AGAP1: variants seen among roughly 807,000 people sequenced by gnomAD.
The protein encoded by AGAP1 is arf-GAP with GTPase, ANK repeat and PH domain-containing protein 1.
Under a neutral mutation model 105.3 loss-of-function variants are expected in AGAP1, and 29 were observed. That is an observed-to-expected ratio of 0.28 (90% CI 0.21 to 0.38). The LOEUF (loss-of-function observed/expected upper bound fraction) is 0.38. Among genes scored for constraint, AGAP1 ranks in the 10% least tolerant of loss-of-function variants. The pLI, the probability that AGAP1 is intolerant of heterozygous loss-of-function variation, is 1.00. For synonymous variants in AGAP1, 509 were observed against 485.9 expected, an observed-to-expected ratio of 1.05 and a Z score of -0.63; for missense variants, 998 against 1,165.1, an observed-to-expected ratio of 0.86 and a Z score of 2.09.
rs990312764 is a variant in AGAP1, at chr2:235,577,528, C to G, written c.163+82679C>G. On this transcript the variant is annotated intron_variant, in intron 1 of 17. Transcript: ENST00000304032. This position sits in a 1 kb window ranked among gnomAD's most constrained non-coding sequence, Gnocchi z 4.5. ...GTTTGTTTGGAAATGATCGGAAGCT[C>G]CTGTGTCCCTGGTCGCTTGCTGGAG... Among the ~76,000 whole-genome samples, 1 of 152,134 alleles carries G rather than the reference C, an allele frequency of 6.6e-6. No individual in the cohort carries two copies. Among genetic ancestry groups the G allele is most frequent in the Non-Finnish European group, 1.5e-5 (1 of 68,040 alleles).
chr2:235,836,655 G>A (rs565162026), intron 9 of AGAP1, among the ~76,000 whole-genome samples: 1 of 152,200 alleles, frequency 6.6e-6, no homozygotes, highest in East Asian at 1.9e-4. Flanking sequence ...CATGCTTCAG[G>A]GGGCAGGCAT....
intron 1 of AGAP1, among the ~76,000 whole-genome samples, chr2:235,669,420 TGCTGG>T (rs1948242924): frequency 6.6e-6 from 1 of 151,982 alleles, no homozygotes; most frequent in Admixed American, 6.5e-5. Context: ...TGCAGGCTGG[TGCTGG>T]GCTGGGCCCC....
Position 236,040,209 on chromosome 2 carries a change from C to T in AGAP1, c.1801-542C>T, listed in dbSNP as rs1349979586. Among the ~76,000 whole-genome samples the T allele has an allele frequency of 6.6e-6, 1 of 152,114 alleles. No homozygotes were observed. Among genetic ancestry groups the T allele is most frequent in the Non-Finnish European group, 1.5e-5 (1 of 68,012 alleles). On this transcript the variant is annotated intron_variant, in intron 14 of 17. Transcript: ENST00000304032. The surrounding 1 kb of genome is among the most constrained non-coding windows in gnomAD (Gnocchi z 5.6). ...CCAGCTATACTCGTGTTTCTCCCTG[C>T]CCCCACCCTGGCGAGTGGCTTTGTC...
intron 13 of AGAP1, among the ~76,000 whole-genome samples, chr2:235,987,963 C>A (rs2055391999): frequency 6.6e-6 from 1 of 152,142 alleles, no homozygotes; most frequent in Admixed American, 6.5e-5. Context: ...AATATTGTTG[C>A]TTTTTCCAGA....
intron 1 of AGAP1, among the ~76,000 whole-genome samples, chr2:235,538,423 C>T (rs1943311579): frequency 6.2e-5 from 2 of 32,306 alleles, no homozygotes; most frequent in South Asian, 2.5e-3. Context: ...GAACCTCAGC[C>T]ACTATGTGTG....
chr2:235,876,398 C>T (rs750877875), intron 9 of AGAP1, among the ~76,000 whole-genome samples: 5 of 152,280 alleles, frequency 3.3e-5, no homozygotes, highest in South Asian at 2.1e-4. Flanking sequence ...GATTATAACC[C>T]GGCCCTTGCG....
chr2:235,495,773 C>A (rs1012022732), intron 1 of AGAP1, among the ~76,000 whole-genome samples: 2 of 152,220 alleles, frequency 1.3e-5, no homozygotes, highest in Non-Finnish European at 2.9e-5. Flanking sequence ...CCAAGACTCA[C>A]CTGGGGCACC....
At chr2:235,807,707 G>A (rs1260106015) in intron 9 of AGAP1, among the ~76,000 whole-genome samples, 1 of 152,190 alleles carries the variant, frequency 6.6e-6, no homozygotes, top group East Asian at 1.9e-4. Flanking sequence ...GCCCGACGTG[G>A]CCCTAATTTG....
chr2:236,101,261 A>G lies in AGAP1; in HGVS notation c.2115-18931A>G, dbSNP rs1332342537. Among the ~76,000 whole-genome samples, 1 of 152,166 alleles carries G rather than the reference A, an allele frequency of 6.6e-6. No individual in the cohort carries two copies. The highest frequency in any genetic ancestry group is 1.5e-5 in the Non-Finnish European group (1 of 68,026). The stretch of plus-strand genomic sequence containing the variant: ...ACAAGCAGATTAAAAGGTATACCAC[A>G]TTAAGAAGACTCCTTATTGTTCCAA... On this transcript the variant is annotated intron_variant, in intron 16 of 17. Transcript: ENST00000304032. The surrounding 1 kb of genome is among the most constrained non-coding windows in gnomAD (Gnocchi z 4.9).
chr2:235,692,779 G>A lies in AGAP1; in HGVS notation c.164-16400G>A, dbSNP rs1384513106. On this transcript the variant is annotated intron_variant, in intron 1 of 17. Coordinates refer to ENST00000304032, the MANE Select transcript of AGAP1 (RefSeq NM_001037131.3). This position sits in a 1 kb window ranked among gnomAD's most constrained non-coding sequence, Gnocchi z 5.8. ...GTTACAGCCCGCAGTCACAGGTCTT[G>A]CGGTGGACTTGCTGGTCGGCTGCTC... 1.3e-5 allele frequency among the ~76,000 whole-genome samples: 2 copies of A among 152,258 alleles called. No individual in the cohort carries two copies. The highest frequency in any genetic ancestry group is 2.9e-5 in the Non-Finnish European group (2 of 68,046).
chr2:235,721,636 G>A lies in AGAP1; in HGVS notation c.310+3992G>A, dbSNP rs746368177. On this transcript the variant is annotated intron_variant, in intron 3 of 17. Transcript: ENST00000304032. The surrounding 1 kb of genome is among the most constrained non-coding windows in gnomAD (Gnocchi z 4.5). ...AGAAGTCTGAAATCAAGGTGTTGAC[G>A]GGGTTGGTTCCTTCTGCAGCTTAGA... Among the ~76,000 whole-genome samples, 2 of 152,188 alleles carry A rather than the reference G, an allele frequency of 1.3e-5. No individual in the cohort carries two copies. The highest frequency in any genetic ancestry group is 2.4e-5 in the African/African-American group (1 of 41,430).
chr2:235,642,569 A>G lies in AGAP1; in HGVS notation c.164-66610A>G, dbSNP rs1452393474. The stretch of plus-strand genomic sequence containing the variant: ...TGTCCTAACAGCTGTCGGGACCATC[A>G]TCCACCAGGGGCCAGCTGTCCAGAG... On this transcript the variant is annotated intron_variant, in intron 1 of 17. Coordinates refer to ENST00000304032, the MANE Select transcript of AGAP1 (RefSeq NM_001037131.3). This position sits in a 1 kb window ranked among gnomAD's most constrained non-coding sequence, Gnocchi z 4.1. Among the ~76,000 whole-genome samples the G allele has an allele frequency of 6.6e-6, 1 of 152,034 alleles. No homozygotes were observed. Among genetic ancestry groups the G allele is most frequent in the African/African-American group, 2.4e-5 (1 of 41,410 alleles).
chr2:235,959,049 T>C lies in AGAP1; in HGVS notation c.1484-9413T>C, dbSNP rs1185550121. On this transcript the variant is annotated intron_variant, in intron 12 of 17. Transcript: ENST00000304032. The surrounding 1 kb of genome is among the most constrained non-coding windows in gnomAD (Gnocchi z 7.3). ...CCATCCCGGCTCAGCGCCGCGCAGC[T>C]CGGGACCCCAGTCCCTCCGTCAGAG... 6.6e-6 allele frequency among the ~76,000 whole-genome samples: 1 copy of C among 152,158 alleles called. No individual in the cohort carries two copies. Among genetic ancestry groups the C allele is most frequent in the Non-Finnish European group, 1.5e-5 (1 of 68,022 alleles).
At chr2:235,837,248 G>A (rs1441430991) in intron 9 of AGAP1, among the ~76,000 whole-genome samples, 1 of 152,182 alleles carries the variant, frequency 6.6e-6, no homozygotes, top group African/African-American at 2.4e-5. Context: ...GCCTCCCAAA[G>A]TGCTGGGATT....
At chr2:235,650,553 A>G (rs1237994226) in intron 1 of AGAP1, among the ~76,000 whole-genome samples, 1 of 152,016 alleles carries the variant, frequency 6.6e-6, no homozygotes, top group Admixed American at 6.6e-5. Flanking sequence ...AAGTAAACAT[A>G]GAAAACATAA....
intron 13 of AGAP1, among the ~76,000 whole-genome samples, chr2:236,025,675 C>T (rs1487805873): frequency 6.6e-6 from 1 of 152,132 alleles, no homozygotes; most frequent in Non-Finnish European, 1.5e-5. Context: ...TAGGAGATCA[C>T]CACCAGGATA....
intron 13 of AGAP1, among the ~76,000 whole-genome samples, chr2:236,034,279 T>C (rs1042815708): frequency 6.6e-6 from 1 of 151,408 alleles, no homozygotes; most frequent in African/African-American, 2.4e-5. Context: ...GTGAAACCTA[T>C]GTGAAAGTTA....
In AGAP1 at chr2:236,120,539, T is replaced by A; in HGVS notation, c.2370+92T>A. 1.9e-6 allele frequency: 3 copies of A among 1,565,148 alleles called. No individual in the cohort carries two copies. The highest frequency in any genetic ancestry group is 2.6e-6 in the Non-Finnish European group (3 of 1,158,694). ...CGTGGGCATCTTTCTGGCAGAAGGC[T>A]GTTGTTCTCGATCTGCAAGTGGAAA... On this transcript the variant is annotated intron_variant, in intron 17 of 17. Transcript: ENST00000304032. This position sits in a 1 kb window ranked among gnomAD's most constrained non-coding sequence, Gnocchi z 6.0.
Position 236,078,607 on chromosome 2 carries a change from A to G in AGAP1, c.2114+29326A>G, listed in dbSNP as rs904233103. On this transcript the variant is annotated intron_variant, in intron 16 of 17. Transcript: ENST00000304032. This position sits in a 1 kb window ranked among gnomAD's most constrained non-coding sequence, Gnocchi z 5.3. ...GCCTTTGAAAACGTAATCTCCCTAG[A>G]TAAGTATTACCACTGAACCACCTGC... Among the ~76,000 whole-genome samples, 4 of 152,104 alleles carry G rather than the reference A, an allele frequency of 2.6e-5. No individual in the cohort carries two copies. The highest frequency in any genetic ancestry group is 2.6e-4 in the Admixed American group (4 of 15,274).
Sources: allele counts gnomAD v4.1 joint callset (sites outside exome capture counted in the v4.1 genomes callset), GRCh38; gene constraint gnomAD v4.1.1; non-coding constraint Gnocchi (gnomAD v3.1); transcripts MANE v1.5; gene names NCBI Gene and HGNC (gene_info 2026-07-23, HGNC 2026-07-21).